The following INTS1 variants were observed in gnomAD, a reference collection of about 807,000 sequenced individuals.
INTS1 encodes integrator complex subunit 1.
Under a neutral mutation model 241.6 loss-of-function variants are expected in INTS1, and 137 were observed. That is an observed-to-expected ratio of 0.57 (90% CI 0.49 to 0.65). The LOEUF (loss-of-function observed/expected upper bound fraction) is 0.65. Ranked by LOEUF, INTS1 falls within the 30% of genes least tolerant of loss-of-function variation. INTS1 has a pLI of 0.00. For synonymous variants in INTS1, 1,692 were observed against 1,337.8 expected, an observed-to-expected ratio of 1.26 and a Z score of -5.78; for missense variants, 3,073 against 3,032.2, an observed-to-expected ratio of 1.01 and a Z score of -0.32.
rs761173670 is a variant in INTS1 at position 1,502,894 on chromosome 7, T to A, written c.349+7A>T. 2 of 1,613,582 alleles carry A rather than the reference T, an allele frequency of 1.2e-6. No homozygotes were observed. The highest frequency in any genetic ancestry group is 3.3e-5 in the Admixed American group (2 of 60,014). On this transcript the variant is annotated splice_region_variant and intron_variant, in intron 3 of 47. Transcript: ENST00000404767. ...GTGTTCTCGGGGGATGTCCACAGAC[T>A]CATTACCTTCAATTGGCACCACAGA...
rs1426643237 is a variant in INTS1, at chr7:1,489,650, AG to A, written c.2197del (p.Leu733SerfsTer31). The part of the protein sequence containing the change: ...YQPPNLAIST[L>X]YWKAWPLLLV... ...CAGGAGGGGCCAGGCCTTCCAGTAG[AG>A]GGTAGAGATGGCGAGGTTCGGAGGC... On this transcript the variant is annotated frameshift_variant, in exon 17 of 48. Transcript: ENST00000404767. LOFTEE classifies it high-confidence loss of function. The A allele has an allele frequency of 6.3e-7, 1 of 1,582,112 alleles. No individual in the cohort carries two copies. The highest frequency in any genetic ancestry group is 1.8e-5 in the Admixed American group (1 of 56,410).
In INTS1 at chr7:1,504,351, C is replaced by G. The variant is rs1327690532; in HGVS notation, c.-70G>C. 1 of 496,886 alleles carries G rather than the reference C, an allele frequency of 2.0e-6. No homozygotes were observed. The highest frequency in any genetic ancestry group is 2.0e-5 in the African/African-American group (1 of 49,810). The allele number at this position is 496,886 out of a possible 1,614,324, so 30.8% of individuals were successfully genotyped here. A position where few individuals can be genotyped will look rare whatever the true frequency, so the allele number is the denominator to read the frequency against. ...TGGCCCATCGCGACCGGAGCGCCGCCGCCGCCACCCGGCCACCCCGGAATC... is the reference window on the plus strand; with the variant it reads ...TGGCCCATCGCGACCGGAGCGCCGCGGCCGCCACCCGGCCACCCCGGAATC... On this transcript the variant is annotated 5_prime_UTR_variant, in exon 1 of 48. Coordinates refer to ENST00000404767, the MANE Select transcript of INTS1 (RefSeq NM_001080453.3).
chr7:1,473,398 C>G (rs1333715357), intron 42 of INTS1, among the ~76,000 whole-genome samples, 168 bp downstream of exon 42: 3 of 152,280 alleles, frequency 2.0e-5, no homozygotes, highest in East Asian at 3.9e-4. Context: ...GGCTTCGGCA[C>G]AGGGTGGGGC....
intron 13 of INTS1, 29 bp from the exon 14 acceptor site, chr7:1,494,922 A>C (rs1470226486): frequency 6.5e-7 from 1 of 1,550,092 alleles, no homozygotes; most frequent in Non-Finnish European, 8.7e-7. Context: ...GCCCTCAGTC[A>C]TGATGTGGGT....
chr7:1,499,678 G>A, intron 5 of INTS1, 46 bp from the exon 6 acceptor site: 1 of 1,556,704 alleles, frequency 6.4e-7, no homozygotes, highest in East Asian at 2.3e-5. Flanking sequence ...CCGGGCAGCA[G>A]CCAGGTTGGG....
Position 1,493,419 on chromosome 7 carries a change from C to G in INTS1, c.2069-313G>C, listed in dbSNP as rs543577509. 3.9e-5 allele frequency among the ~76,000 whole-genome samples: 6 copies of G among 152,048 alleles called. No individual in the cohort carries two copies. The highest frequency in any genetic ancestry group is 8.8e-5 in the Non-Finnish European group (6 of 68,004). On this transcript the variant is annotated intron_variant, in intron 15 of 47. Coordinates refer to ENST00000404767, the MANE Select transcript of INTS1 (RefSeq NM_001080453.3). This position sits in a 1 kb window ranked among gnomAD's most constrained non-coding sequence, Gnocchi z 5.3. ...CCTCGGGGCAGAGCCACGGACGAGG[C>G]GCGAGCTGGATTTACAATCATTCTA...
intron 22 of INTS1, among the ~76,000 whole-genome samples, chr7:1,486,063 G>A (rs975261403): frequency 6.0e-5 from 9 of 150,724 alleles, no homozygotes; most frequent in Admixed American, 5.9e-4. Context: ...AGCTTCCCAA[G>A]TAGCTGGGAA....
At position 1,493,388 on chromosome 7, in the gene INTS1, G is replaced by A. The variant is rs1044863391; in HGVS notation, c.2069-282C>T. 7.2e-5 allele frequency among the ~76,000 whole-genome samples: 11 copies of A among 152,228 alleles called. No homozygotes were observed. The highest frequency in any genetic ancestry group is 4.1e-4 in the South Asian group (2 of 4,822). On this transcript the variant is annotated intron_variant, in intron 15 of 47. Coordinates refer to ENST00000404767, the MANE Select transcript of INTS1 (RefSeq NM_001080453.3). The surrounding 1 kb of genome is among the most constrained non-coding windows in gnomAD (Gnocchi z 5.3). ...GGTGTGGCCGGCAGGGTGGGGACCC[G>A]CAAGCCCTCGGGGCAGAGCCACGGA... is the stretch of plus-strand genomic sequence containing the variant.
At chr7:1,500,659 G>C (rs1382388368) in intron 3 of INTS1, among the ~76,000 whole-genome samples, 1 of 152,190 alleles carries the variant, frequency 6.6e-6, no homozygotes, top group African/African-American at 2.4e-5. Context: ...CAGCAAGCCA[G>C]GCCACCTGCA....
At chr7:1,473,390 C>T (rs1358171782) in intron 42 of INTS1, among the ~76,000 whole-genome samples, 176 bp downstream of exon 42, 1 of 152,168 alleles carries the variant, frequency 6.6e-6, no homozygotes, top group African/African-American at 2.4e-5. Flanking sequence ...GTTCAGACGG[C>T]TTCGGCACAG....
Position 1,497,254 on chromosome 7 carries a change from G to A in INTS1, c.1486C>T (p.Arg496Trp). The change falls in exon 11 of 48, where the codon CGG becomes TGG. Residue 496 changes from arginine (R) to tryptophan (W), a missense_variant. Arg to Trp is a moderately radical substitution (Grantham distance 101, BLOSUM62 -3). Coordinates refer to ENST00000404767, the MANE Select transcript of INTS1 (RefSeq NM_001080453.3). This position sits in a 1 kb window ranked among gnomAD's most constrained non-coding sequence, Gnocchi z 5.3. ...TTGATGATCTCCCGCAGCAGGGCCC[G>A]CGAGGCCCGCAGGTAGTCGTCCTTG... is the stretch of plus-strand genomic sequence containing the variant. ...TNKDDYLRAS[R>W]ALLREIIKQT... The A allele has an allele frequency of 3.7e-6, 6 of 1,613,448 alleles. No individual in the cohort carries two copies. Among genetic ancestry groups the A allele is most frequent in the Non-Finnish European group, 4.2e-6 (5 of 1,179,788 alleles).
chr7:1,482,831 G>C, intron 26 of INTS1, 124 bp from the exon 27 acceptor site: 1 of 1,164,794 alleles, frequency 8.6e-7, no homozygotes, highest in Non-Finnish European at 1.2e-6. Context: ...GGAGGAGCAC[G>C]GGGCTCCTGT....
intron 3 of INTS1, among the ~76,000 whole-genome samples, 156 bp downstream of exon 3, chr7:1,502,745 G>C (rs1395046914): frequency 6.6e-6 from 1 of 152,210 alleles, no homozygotes; most frequent in Non-Finnish European, 1.5e-5. Flanking sequence ...GGGCATCTAC[G>C]TGAGAAGCAC....
chr7:1,475,716 C>T (rs1311037442), intron 39 of INTS1, among the ~76,000 whole-genome samples: 1 of 152,260 alleles, frequency 6.6e-6, no homozygotes, highest in East Asian at 1.9e-4. Flanking sequence ...TGGCAGGCCA[C>T]CCAGTGCCCA....
intron 39 of INTS1, among the ~76,000 whole-genome samples, chr7:1,475,188 G>A (rs1781652340): frequency 6.6e-6 from 1 of 152,194 alleles, no homozygotes; most frequent in Admixed American, 6.5e-5. Context: ...TTCAAGACTA[G>A]CCTGGGCAAT....
intron 39 of INTS1, 39 bp from the exon 40 acceptor site, chr7:1,474,877 C>T (rs763765156): frequency 1.3e-6 from 2 of 1,544,086 alleles, no homozygotes; most frequent in Non-Finnish European, 1.7e-6. Context: ...GCCGCTGGCT[C>T]CCCTCACTTG....
chr7:1,500,108 G>A (rs1783088872), intron 4 of INTS1, 62 bp downstream of exon 4: 32 of 1,584,710 alleles, frequency 2.0e-5, no homozygotes, highest in Non-Finnish European at 2.7e-5. Context: ...TTAAGGGGGA[G>A]GTGAGGAGGG....
intron 9 of INTS1, 45 bp from the exon 10 acceptor site, chr7:1,498,598 C>A (rs1017996992): frequency 1.9e-6 from 3 of 1,597,438 alleles, no homozygotes; most frequent in East Asian, 2.2e-5. Flanking sequence ...TACGCCTGTG[C>A]CCCCACTCCG....
chr7:1,496,663 G>A (rs1782875675), intron 11 of INTS1, among the ~76,000 whole-genome samples: 1 of 152,164 alleles, frequency 6.6e-6, no homozygotes, highest in African/African-American at 2.4e-5. Flanking sequence ...GCCACAGGAG[G>A]GAGGTTCAGT....
Sources: gnomAD v4.1 joint callset for allele counts (sites outside exome capture counted in the v4.1 genomes callset) on GRCh38, gnomAD v4.1.1 for gene constraint, Gnocchi (gnomAD v3.1) non-coding constraint, MANE v1.5 for transcripts, NCBI Gene and HGNC (gene_info 2026-07-23, HGNC 2026-07-21) for gene names.